Variants in ELMO1 observed in about 807,000 individuals in gnomAD.
ELMO1 encodes engulfment and cell motility 1.
A neutral mutation model predicts 98.9 loss-of-function variants in ELMO1; 26 were observed. That is an observed-to-expected ratio of 0.26 (90% CI 0.19 to 0.36). ELMO1 has a LOEUF of 0.36. Ranked by LOEUF, ELMO1 falls within the 10% of genes least tolerant of loss-of-function variation. ELMO1 has a pLI of 1.00. For missense variants in ELMO1, 627 were observed against 935.2 expected (o/e 0.67, Z 4.30); for synonymous variants, 346 against 346.0 (o/e 1.00, Z 0.00).
At chr7:37,107,394 C>G (rs372627847) in intron 14 of ELMO1, among the ~76,000 whole-genome samples, 3 of 152,286 alleles carry the variant, frequency 2.0e-5, no homozygotes, top group African/African-American at 7.2e-5. Context: ...CAAACTCTCT[C>G]CTAAGGCATC....
chr7:36,919,581 A>G, intron 16 of ELMO1: 1 of 337,878 alleles, frequency 3.0e-6, no homozygotes, highest in Admixed American at 3.4e-5. Context: ...GATAATGTAC[A>G]CTCAGTGCCT....
intron 18 of ELMO1, among the ~76,000 whole-genome samples, chr7:36,881,978 T>C (rs1346065804): frequency 6.6e-6 from 1 of 152,128 alleles, no homozygotes; most frequent in Non-Finnish European, 1.5e-5. Context: ...AAGACAAGCT[T>C]GGGGCTGGTC....
At chr7:37,008,616 A>G (rs1793319632) in intron 16 of ELMO1, among the ~76,000 whole-genome samples, 1 of 152,156 alleles carries the variant, frequency 6.6e-6, no homozygotes, top group Non-Finnish European at 1.5e-5. Flanking sequence ...ACTTCCTCAG[A>G]GCATTTTTAC....
chr7:37,105,640 C>G (rs1036306600), intron 14 of ELMO1, among the ~76,000 whole-genome samples: 1 of 152,190 alleles, frequency 6.6e-6, no homozygotes, highest in Non-Finnish European at 1.5e-5. Context: ...AGTTTTGGAC[C>G]ACACTGTGGG....
intron 15 of ELMO1, among the ~76,000 whole-genome samples, chr7:37,079,524 TCTA>T (rs760476198): frequency 2.0e-5 from 3 of 152,268 alleles, no homozygotes; most frequent in Non-Finnish European, 2.9e-5. Context: ...AGCATGCATC[TCTA>T]CTAATAGTCC....
At chr7:37,200,313 T>C in intron 13 of ELMO1, among the ~76,000 whole-genome samples, 1 of 148,972 alleles carries the variant, frequency 6.7e-6, no homozygotes, top group East Asian at 2.0e-4. Flanking sequence ...ACTCCTGGCC[T>C]CAAGTGATCC....
chr7:37,116,671 T>TAAAA (rs80024120), intron 14 of ELMO1: 1 of 139,650 alleles, frequency 7.2e-6, no homozygotes, highest in African/African-American at 2.6e-5. Context: ...GTTTTAAAAT[T>TAAAA]AAAAAAAAAA....
chr7:36,883,803 A>G (rs1804683498), intron 18 of ELMO1, among the ~76,000 whole-genome samples: 1 of 152,164 alleles, frequency 6.6e-6, no homozygotes, highest in African/African-American at 2.4e-5. Flanking sequence ...TCTTTATAGT[A>G]ATGCGAGAAT....
chr7:37,091,626 G>A (rs187615172), intron 15 of ELMO1, among the ~76,000 whole-genome samples: 5 of 152,196 alleles, frequency 3.3e-5, no homozygotes, highest in African/African-American at 9.6e-5. Flanking sequence ...GGGTCAGTGT[G>A]CAGGGAATAT....
chr7:37,193,657 T>C (rs1791786731), intron 13 of ELMO1, among the ~76,000 whole-genome samples: 1 of 152,100 alleles, frequency 6.6e-6, no homozygotes, highest in Admixed American at 6.5e-5. Flanking sequence ...TGTGAGTCAC[T>C]AGGAAACGGC....
At chr7:37,265,942 A>C (rs1796221307) in intron 5 of ELMO1, among the ~76,000 whole-genome samples, 1 of 151,948 alleles carries the variant, frequency 6.6e-6, no homozygotes, top group South Asian at 2.1e-4. Flanking sequence ...AGAGCACCAC[A>C]TGCTGAAGTT....
At chr7:37,263,085 A>G (rs1301406189) in intron 5 of ELMO1, among the ~76,000 whole-genome samples, 1 of 152,182 alleles carries the variant, frequency 6.6e-6, no homozygotes, top group African/African-American at 2.4e-5. Context: ...GATCCAGAAC[A>G]GGCAGGGATA....
chr7:36,872,556 T>C (rs1803615737), intron 19 of ELMO1, among the ~76,000 whole-genome samples: 1 of 152,210 alleles, frequency 6.6e-6, no homozygotes, highest in East Asian at 1.9e-4. Context: ...CCCCTTGGGG[T>C]TGGCATCTTC....
chr7:36,882,458 G>A (rs921561044), intron 18 of ELMO1, among the ~76,000 whole-genome samples: 1 of 152,224 alleles, frequency 6.6e-6, no homozygotes. Flanking sequence ...CAGAGACGAA[G>A]GGCATCAAAT....
At chr7:37,290,049 A>G (rs930510553) in intron 4 of ELMO1, among the ~76,000 whole-genome samples, 14 of 152,208 alleles carry the variant, frequency 9.2e-5, no homozygotes, top group South Asian at 2.1e-4. Context: ...CGCTAATTCA[A>G]TTAGGATGGG....
At chr7:37,169,206 C>T (rs900059519) in intron 13 of ELMO1, among the ~76,000 whole-genome samples, 3 of 152,132 alleles carry the variant, frequency 2.0e-5, no homozygotes, top group Non-Finnish European at 2.9e-5. Context: ...GCGCAGTATT[C>T]GGGTGGGAAT....
At position 37,271,704 on chromosome 7, in the gene ELMO1, G is replaced by T. The variant is rs898549833; in HGVS notation, c.243+128C>A. The T allele has an allele frequency of 1.2e-5, 11 of 943,276 alleles. No individual in the cohort carries two copies. In the African/African-American group the frequency reaches 1.7e-4, roughly 14 times the overall value. The allele number at this position is 943,276 out of a possible 1,614,324, so 58.4% of individuals were successfully genotyped here. ...ATTCCTGCTAATCCAGAATCTGCAT[G>T]TCAGGACATTCTGGAAGCCTTTTGC... On this transcript the variant is annotated intron_variant, in intron 5 of 21. Transcript: ENST00000310758.
chr7:36,890,116 G>T (rs1805426117), intron 17 of ELMO1, among the ~76,000 whole-genome samples: 1 of 152,054 alleles, frequency 6.6e-6, no homozygotes, highest in Admixed American at 6.6e-5. Flanking sequence ...TCTGAGCTTG[G>T]GGTCAATCAG....
At chr7:37,025,406 A>G (rs900723444) in intron 15 of ELMO1, among the ~76,000 whole-genome samples, 7 of 152,184 alleles carry the variant, frequency 4.6e-5, no homozygotes, top group South Asian at 2.1e-4. Context: ...GACTGGGCCA[A>G]TGGGTGCCCA....
Sources: allele counts gnomAD v4.1 joint callset (sites outside exome capture counted in the v4.1 genomes callset), GRCh38; gene constraint gnomAD v4.1.1; transcripts MANE v1.5; gene names NCBI Gene and HGNC (gene_info 2026-07-23, HGNC 2026-07-21).